DTNB: variants seen among roughly 807,000 people sequenced by gnomAD.
The protein encoded by DTNB is dystrobrevin beta, also known as DTN-B.
Under a neutral mutation model 90.7 loss-of-function variants are expected in DTNB, and 63 were observed. The ratio of observed to expected loss-of-function variants is 0.69; its 90% CI spans 0.57 to 0.86. DTNB has a LOEUF of 0.86. Among genes scored for constraint, DTNB ranks in the 40% least tolerant of loss-of-function variants. The probability of loss-of-function intolerance (pLI) is 0.00; values close to 1 mark genes in which losing one functional copy is unlikely to be tolerated. For synonymous variants in DTNB, 277 were observed against 286.7 expected, an observed-to-expected ratio of 0.97 and a Z score of 0.34; for missense variants, 744 against 807.1, an observed-to-expected ratio of 0.92 and a Z score of 0.95.
At chr2:25,496,604 G>A (rs1344163164) in intron 9 of DTNB, among the ~76,000 whole-genome samples, 2 of 152,160 alleles carry the variant, frequency 1.3e-5, no homozygotes, top group Non-Finnish European at 2.9e-5. Context: ...AGCACTTTGG[G>A]AGGCTGAGGC....
chr2:25,574,058 T>A (rs1395126544), intron 8 of DTNB, among the ~76,000 whole-genome samples: 1 of 152,192 alleles, frequency 6.6e-6, no homozygotes, highest in Non-Finnish European at 1.5e-5. Context: ...GAAAGACACC[T>A]ATCATTCTGT....
At chr2:25,472,304 G>A (rs929360093) in intron 10 of DTNB, among the ~76,000 whole-genome samples, 10 of 152,194 alleles carry the variant, frequency 6.6e-5, no homozygotes, top group African/African-American at 2.2e-4. Flanking sequence ...TGAGAAGGAA[G>A]AATTAGATGA....
intron 16 of DTNB, among the ~76,000 whole-genome samples, chr2:25,411,684 G>A (rs1015153834): frequency 5.3e-5 from 8 of 152,164 alleles, no homozygotes; most frequent in Non-Finnish European, 8.8e-5. Context: ...CCTGAGGCCC[G>A]GGATACCACT....
intron 6 of DTNB, among the ~76,000 whole-genome samples, chr2:25,585,063 T>G (rs1559128142): frequency 6.6e-6 from 1 of 152,188 alleles, no homozygotes; most frequent in Non-Finnish European, 1.5e-5. Flanking sequence ...GTCCCCTATC[T>G]TTTTATTTTG....
chr2:25,491,759 G>A (rs1337996847), intron 9 of DTNB, among the ~76,000 whole-genome samples: 1 of 151,848 alleles, frequency 6.6e-6, no homozygotes, highest in African/African-American at 2.4e-5. Flanking sequence ...TCAGCAGAGT[G>A]GAGAGTGTCT....
intron 9 of DTNB, among the ~76,000 whole-genome samples, chr2:25,515,739 C>T (rs1360915060): frequency 6.6e-6 from 1 of 152,078 alleles, no homozygotes; most frequent in Non-Finnish European, 1.5e-5. Flanking sequence ...CCATGCCCGG[C>T]TAATTTTTTG....
At chr2:25,477,851 G>A (rs191579095) in intron 10 of DTNB, among the ~76,000 whole-genome samples, 39 of 152,070 alleles carry the variant, frequency 2.6e-4, no homozygotes, top group African/African-American at 8.4e-4. Context: ...TTTCCAGAGC[G>A]TTCTAATTCC....
intron 8 of DTNB, among the ~76,000 whole-genome samples, chr2:25,551,468 C>A (rs1294285559): frequency 6.6e-6 from 1 of 152,168 alleles, no homozygotes; most frequent in East Asian, 1.9e-4. Context: ...AGTGGCCTCC[C>A]GGCTGGGGAT....
intron 8 of DTNB, among the ~76,000 whole-genome samples, chr2:25,538,236 A>AATAT (rs936745105): frequency 1.3e-5 from 2 of 151,828 alleles, no homozygotes; most frequent in African/African-American, 4.8e-5. Flanking sequence ...AACAACAAAA[A>AATAT]ATATATATAT....
chr2:25,573,741 C>G (rs778736650), intron 8 of DTNB, among the ~76,000 whole-genome samples: 4 of 152,138 alleles, frequency 2.6e-5, no homozygotes, highest in Non-Finnish European at 5.9e-5. Flanking sequence ...TTCTGACTTT[C>G]CCTCTCCAAT....
chr2:25,664,496 G>A (rs903910979), intron 1 of DTNB, among the ~76,000 whole-genome samples: 1 of 152,214 alleles, frequency 6.6e-6, no homozygotes, highest in African/African-American at 2.4e-5. Flanking sequence ...GAGGATCACA[G>A]TATCAGCCCC....
intron 11 of DTNB, among the ~76,000 whole-genome samples, chr2:25,452,318 T>C (rs930785671): frequency 6.6e-6 from 1 of 152,224 alleles, no homozygotes; most frequent in Non-Finnish European, 1.5e-5. Flanking sequence ...TCTTGAGTAA[T>C]AGGCTGGCTC....
intron 12 of DTNB, among the ~76,000 whole-genome samples, chr2:25,449,908 G>A (rs930738337): frequency 1.3e-5 from 2 of 151,726 alleles, no homozygotes; most frequent in Non-Finnish European, 2.9e-5. Context: ...GACTACAGGC[G>A]CACACTGCCA....
chr2:25,526,482 G>A (rs892746314), intron 9 of DTNB, among the ~76,000 whole-genome samples: 2 of 147,306 alleles, frequency 1.4e-5, no homozygotes, highest in Non-Finnish European at 3.0e-5. Flanking sequence ...TGCAACCTCT[G>A]CCTCTCAAGT....
chr2:25,543,595 C>T (rs532620040), intron 8 of DTNB, among the ~76,000 whole-genome samples: 91 of 152,254 alleles, frequency 6.0e-4, no homozygotes, highest in Middle Eastern at 3.4e-3. Context: ...TGAGCCACTG[C>T]GCCTGGCTGA....
chr2:25,437,654 G>A (rs1450353145), intron 12 of DTNB, among the ~76,000 whole-genome samples: 1 of 152,166 alleles, frequency 6.6e-6, no homozygotes, highest in African/African-American at 2.4e-5. Context: ...GGACACTGAA[G>A]GGAAAAAGAC....
intron 4 of DTNB, among the ~76,000 whole-genome samples, chr2:25,625,971 G>C (rs1024838033): frequency 6.6e-6 from 1 of 152,082 alleles, no homozygotes; most frequent in Non-Finnish European, 1.5e-5. Flanking sequence ...ACCACAAAAA[G>C]GTGCCGTCTA....
intron 3 of DTNB, among the ~76,000 whole-genome samples, chr2:25,637,049 T>G (rs139072291): frequency 6.6e-6 from 1 of 152,006 alleles, no homozygotes; most frequent in East Asian, 1.9e-4. Context: ...TCAGAAATAA[T>G]AGCACACATC....
rs570641622 is a variant in DTNB at position 25,457,324 on chromosome 2, G to A, written c.1080-1830C>T. Among the ~76,000 whole-genome samples, 180 of 152,144 alleles carry A rather than the reference G, an allele frequency of 1.2e-3. 1 individual carries two copies. The highest frequency in any genetic ancestry group is 4.2e-3 in the African/African-American group (176 of 41,530). On this transcript the variant is annotated intron_variant, in intron 10 of 20. Coordinates refer to ENST00000406818, the MANE Select transcript of DTNB (RefSeq NM_021907.5). ...TGTGCCTGGCCCTGTAGTTTTGTTT[G>A]TTATATATCCTGTCCCAGACTTGGA... is the stretch of plus-strand genomic sequence containing the variant.
Sources: allele counts gnomAD v4.1 joint callset (sites outside exome capture counted in the v4.1 genomes callset), GRCh38; gene constraint gnomAD v4.1.1; transcripts MANE v1.5; gene names NCBI Gene and HGNC (gene_info 2026-07-23, HGNC 2026-07-21).